Variants in SQSTM1 observed in about 807,000 individuals in gnomAD.
SQSTM1 encodes the protein sequestosome 1, also known as sequestosome-1.
Under a neutral mutation model 45.1 loss-of-function variants are expected in SQSTM1, and 36 were observed. The ratio of observed to expected loss-of-function variants is 0.80; its 90% confidence interval spans 0.61 to 1.05. SQSTM1 has a LOEUF of 1.05. Ranked by LOEUF, SQSTM1 falls within the 50% of genes least tolerant of loss-of-function variation. The pLI is 0.00. For synonymous variants in SQSTM1, 290 were observed against 244.3 expected (o/e 1.19, Z -1.74); for missense variants, 617 against 607.1 (o/e 1.02, Z -0.17).
chr5:179,819,180 C>G (rs1757674986), upstream of SQSTM1: 1 of 152,294 alleles, frequency 6.6e-6, no homozygotes, highest in South Asian at 2.1e-4. Flanking sequence ...GTTCCCGCCG[C>G]GCCTTGTTTA....
intron 2 of SQSTM1, chr5:179,812,855 C>T (rs1244025852): frequency 6.6e-6 from 1 of 152,166 alleles, no homozygotes; most frequent in Non-Finnish European, 1.5e-5. Flanking sequence ...TCCACAGCCT[C>T]AGCCTCCCAA....
In SQSTM1 at chr5:179,820,907, G is replaced by A. The variant is rs1193397202; in HGVS notation, c.-30G>A. 4 of 1,487,768 alleles carry A rather than the reference G, an allele frequency of 2.7e-6. No homozygotes were observed. The highest frequency in any genetic ancestry group is 2.8e-5 in the East Asian group (1 of 35,894). 92.2% of individuals were successfully genotyped at this position (1,487,768 alleles called of 1,614,324 possible). ...GCCGCGCGGCGGCTGCGACCGGGAC[G>A]GCCCGTTTTCCGCCAGCTCGCCGCT... On this transcript the variant is annotated 5_prime_UTR_variant, in exon 1 of 8. Coordinates refer to ENST00000389805, the MANE Select transcript of SQSTM1 (RefSeq NM_003900.5).
At chr5:179,831,215 A>G (rs1287441743) in intron 5 of SQSTM1, among the ~76,000 whole-genome samples, 3 of 152,258 alleles carry the variant, frequency 2.0e-5, no homozygotes, top group African/African-American at 4.8e-5. Context: ...GCCTCTGCCC[A>G]GAGAGCTGCC....
chr5:179,823,600 A>G, intron 2 of SQSTM1: 1 of 556,754 alleles, frequency 1.8e-6, no homozygotes, highest in Non-Finnish European at 3.2e-6. Context: ...GCTTGGGTGA[A>G]GGGCAAGGCC....
upstream of SQSTM1, chr5:179,820,725 G>A (rs977950287): frequency 2.1e-5 from 10 of 481,612 alleles, no homozygotes; most frequent in South Asian, 2.8e-4. Context: ...TGAGGGGGCC[G>A]GGAGACCTGG....
chr5:179,810,548 C>T (rs2081265193), intron 1 of SQSTM1, among the ~76,000 whole-genome samples: 1 of 152,216 alleles, frequency 6.6e-6, no homozygotes, highest in Non-Finnish European at 1.5e-5. Flanking sequence ...CAAGTCTTTG[C>T]TATTGTGAAT....
Position 179,823,005 on chromosome 5 carries a change from A to G in SQSTM1, c.253A>G (p.Met85Val), listed in dbSNP as rs886060502. The G allele has an allele frequency of 6.2e-7, 1 of 1,614,068 alleles. No individual in the cohort carries two copies. Among genetic ancestry groups the G allele is most frequent in the South Asian group, 1.1e-5 (1 of 91,080 alleles). The stretch of plus-strand genomic sequence containing the variant: ...CTTTTCCAGTGACGAGGAATTGACA[A>G]TGGCCATGTCCTACGTGAAGGATGA... ...VAFSSDEELT[M>V]AMSYVKDDIF... The change falls in exon 2 of 8, where the codon ATG becomes GTG. Residue 85 changes from methionine (M) to valine (V), a missense_variant. Transcript: ENST00000389805.
upstream of SQSTM1, among the ~76,000 whole-genome samples, chr5:179,818,312 G>A (rs1333026929): frequency 1.3e-5 from 2 of 152,152 alleles, no homozygotes; most frequent in Non-Finnish European, 2.9e-5. Context: ...CCTCTGTAGA[G>A]GAACTCATCC....
intron 5 of SQSTM1, among the ~76,000 whole-genome samples, chr5:179,828,742 G>A (rs1698685894): frequency 6.6e-6 from 1 of 152,190 alleles, no homozygotes. Context: ...ATTACAGATG[G>A]AGGTACTTGT....
At chr5:179,826,332 G>A (rs967417804) in intron 5 of SQSTM1, among the ~76,000 whole-genome samples, 2 of 151,898 alleles carry the variant, frequency 1.3e-5, no homozygotes, top group African/African-American at 4.8e-5. Context: ...GCCCAGCTAA[G>A]TTTTGTATTT....
chr5:179,806,649 G>C lies in SQSTM1; in HGVS notation c.-157+58G>C. 1 of 897,232 alleles carries C rather than the reference G, an allele frequency of 1.1e-6. No individual in the cohort carries two copies. The highest frequency in any genetic ancestry group is 1.4e-6 in the Non-Finnish European group (1 of 733,960). 55.6% of individuals were successfully genotyped at this position (897,232 alleles called of 1,614,324 possible). Reference sequence around the variant, plus strand: ...CATGGCCCGGGGGACCGGGGCCGGGGCGCAGGGGTCGGAAGGCGGCGGCGG... The same window carrying C: ...CATGGCCCGGGGGACCGGGGCCGGGCCGCAGGGGTCGGAAGGCGGCGGCGG... On this transcript the variant is annotated intron_variant, in intron 1 of 5. Transcript: ENST00000514093. The surrounding 1 kb of genome is among the most constrained non-coding windows in gnomAD (Gnocchi z 4.6).
chr5:179,822,812 C>G (rs564274737), intron 1 of SQSTM1, 146 bp from the exon 2 acceptor site: 1 of 746,746 alleles, frequency 1.3e-6, no homozygotes, highest in South Asian at 1.5e-5. Flanking sequence ...AGTCTTGCCT[C>G]TCACTCCTGC....
upstream of SQSTM1, among the ~76,000 whole-genome samples, chr5:179,814,903 C>G (rs1433088144): frequency 2.6e-5 from 4 of 152,126 alleles, no homozygotes; most frequent in African/African-American, 9.7e-5. Flanking sequence ...GACTGGGGAC[C>G]AAAGTGAGAC....
chr5:179,827,197 T>C (rs1340745832), intron 5 of SQSTM1, among the ~76,000 whole-genome samples: 1 of 113,478 alleles, frequency 8.8e-6, no homozygotes, highest in Non-Finnish European at 1.9e-5. Flanking sequence ...GCTGCCCAGG[T>C]GCTTGGGGTC....
At chr5:179,811,381 AGGGGG>A (rs1752962666) in intron 1 of SQSTM1, among the ~76,000 whole-genome samples, 1 of 10,158 alleles carries the variant, frequency 9.8e-5, no homozygotes, top group Admixed American at 1.7e-3. Context: ...AGGAGCATGC[AGGGGG>A]AGGAGCTATG....
chr5:179,822,999 T>C lies in SQSTM1; in HGVS notation c.247T>C (p.Leu83=), dbSNP rs1268550104. The change falls in exon 2 of 8, where the codon TTG becomes CTG. Residue 83 remains leucine (L), a synonymous_variant. Coordinates refer to ENST00000389805, the MANE Select transcript of SQSTM1 (RefSeq NM_003900.5). ...GGTTGCCTTTTCCAGTGACGAGGAA[T>C]TGACAATGGCCATGTCCTACGTGAA... ...DLVAFSSDEE[L]TMAMSYVKDD... 6.2e-7 allele frequency: 1 copy of C among 1,614,022 alleles called. No individual in the cohort carries two copies. The highest frequency in any genetic ancestry group is 1.3e-5 in the African/African-American group (1 of 74,912).
At chr5:179,834,475 G>C (rs1758414940) in intron 7 of SQSTM1, among the ~76,000 whole-genome samples, 1 of 151,754 alleles carries the variant, frequency 6.6e-6, no homozygotes, top group Non-Finnish European at 1.5e-5. Context: ...GGATTTGGCA[G>C]GGTCATAGGA....
chr5:179,808,355 G>T (rs890422806), intron 1 of SQSTM1: 2 of 152,244 alleles, frequency 1.3e-5, no homozygotes, highest in Non-Finnish European at 2.9e-5. Flanking sequence ...CCCACTCAGT[G>T]CTCCTGGAAC....
At chr5:179,827,342 C>T (rs1443550379) in intron 5 of SQSTM1, among the ~76,000 whole-genome samples, 1 of 152,180 alleles carries the variant, frequency 6.6e-6, no homozygotes, top group Non-Finnish European at 1.5e-5. Flanking sequence ...CGCTCTGTTG[C>T]CCAGGCTGGA....
Sources: gnomAD v4.1 joint callset for allele counts (sites outside exome capture counted in the v4.1 genomes callset) on GRCh38, gnomAD v4.1.1 for gene constraint, Gnocchi (gnomAD v3.1) non-coding constraint, MANE v1.5 for transcripts, NCBI Gene and HGNC (gene_info 2026-07-23, HGNC 2026-07-21) for gene names.